MGA: variants seen among roughly 807,000 people sequenced by gnomAD.
The protein encoded by MGA is MAX dimerization protein MGA, also known as MAX gene-associated protein.
Under a neutral mutation model 261.1 loss-of-function variants are expected in MGA, and 40 were observed. The ratio of observed to expected loss-of-function variants is 0.15; its 90% CI spans 0.12 to 0.20. The LOEUF (loss-of-function observed/expected upper bound fraction) is 0.20, where lower values mean the gene tolerates loss of function less well. Among genes scored for constraint, MGA ranks in the 10% least tolerant of loss-of-function variants. MGA has a pLI of 1.00. For synonymous variants in MGA, 1,302 were observed against 1,290.6 expected, an observed-to-expected ratio of 1.01 and a Z score of -0.19; for missense variants, 3,397 against 3,630.5, an observed-to-expected ratio of 0.94 and a Z score of 1.65.
chr15:41,651,801 CCCCCT>C (rs2057063779), intron 1 of MGA, among the ~76,000 whole-genome samples: 1 of 12,976 alleles, frequency 7.7e-5, no homozygotes, highest in African/African-American at 1.8e-4. Flanking sequence ...CTCCTCTCCC[CCCCCT>C]CTTCCTTTCC....
At chr15:41,673,605 CGATCT>C (rs941730941) in intron 2 of MGA, among the ~76,000 whole-genome samples, 2 of 126,300 alleles carry the variant, frequency 1.6e-5, no homozygotes, top group Admixed American at 1.8e-4. Flanking sequence ...TGCAGTGGTA[CGATCT>C]CGGTTCAATG....
chr15:41,746,846 G>A (rs2151896787), intron 15 of MGA, among the ~76,000 whole-genome samples: 1 of 150,352 alleles, frequency 6.7e-6, no homozygotes, highest in Admixed American at 6.6e-5. Context: ...ATTTATTAAT[G>A]TTAAATAAGC....
Position 41,748,662 on chromosome 15 carries a change from T to A in MGA, c.5238T>A (p.Ala1746=), listed in dbSNP as rs916602571. 1 of 1,613,188 alleles carries A rather than the reference T, an allele frequency of 6.2e-7. No homozygotes were observed. Among genetic ancestry groups the A allele is most frequent in the Non-Finnish European group, 8.5e-7 (1 of 1,179,478 alleles). Residue 1746 remains alanine, a synonymous_variant, in exon 16 of 24, where the codon GCT becomes GCA. Coordinates refer to ENST00000219905, the MANE Select transcript of MGA (RefSeq NM_001164273.2). ...AAAATGCTGCTCAAATTCCAGTGGCTACTCCACAGGTCTCTCCTAACACAG... is the reference window on the plus strand; with the variant it reads ...AAAATGCTGCTCAAATTCCAGTGGCAACTCCACAGGTCTCTCCTAACACAG...
chr15:41,736,178 C>T lies in MGA; in HGVS notation c.3917-3C>T. The T allele has an allele frequency of 6.6e-7, 1 of 1,525,988 alleles. No homozygotes were observed. The highest frequency in any genetic ancestry group is 8.8e-7 in the Non-Finnish European group (1 of 1,137,528). 94.5% of individuals were successfully genotyped at this position (1,525,988 alleles called of 1,614,324 possible). ...TTTCTTTTTTATTATTATTTTACATCAGAAAAGAGCTGGAAGTCTTCCTGC... is the reference window on the plus strand; with the variant it reads ...TTTCTTTTTTATTATTATTTTACATTAGAAAAGAGCTGGAAGTCTTCCTGC... On this transcript the variant is annotated splice_polypyrimidine_tract_variant and splice_region_variant and intron_variant, in intron 12 of 23. Coordinates refer to ENST00000219905, the MANE Select transcript of MGA (RefSeq NM_001164273.2).
rs560911075 is a variant in MGA, at chr15:41,636,818, C to T, written c.-68+15520C>T. Among the ~76,000 whole-genome samples the T allele has an allele frequency of 7.2e-5, 11 of 152,012 alleles. No individual in the cohort carries two copies. The East Asian group carries it at 1.4e-3, about 19-fold the overall frequency. On this transcript the variant is annotated intron_variant, in intron 1 of 8. Coordinates refer to the MGA transcript ENST00000566718. ...CACCTACCTCAGCCTCCCAAAGTGCCGGGATTACAAGCGTGAGCCACCACA... is the reference window on the plus strand; with the variant it reads ...CACCTACCTCAGCCTCCCAAAGTGCTGGGATTACAAGCGTGAGCCACCACA...
chr15:41,709,230 C>T (rs1369809314), intron 7 of MGA, among the ~76,000 whole-genome samples: 5 of 151,830 alleles, frequency 3.3e-5, no homozygotes, highest in East Asian at 1.9e-4. Context: ...TCCTGTAGTC[C>T]GAGCTACTTG....
intron 18 of MGA, among the ~76,000 whole-genome samples, chr15:41,757,556 A>G (rs1236414560): frequency 6.6e-6 from 1 of 152,178 alleles, no homozygotes; most frequent in African/African-American, 2.4e-5. Context: ...AAATTTGTTT[A>G]TATGGTTTTG....
At chr15:41,688,145 G>A (rs1278193688) in intron 2 of MGA, among the ~76,000 whole-genome samples, 2 of 152,054 alleles carry the variant, frequency 1.3e-5, no homozygotes, top group Non-Finnish European at 2.9e-5. Flanking sequence ...GTGCGATGTT[G>A]GCTCACTGCA....
rs1435193012 is a variant in MGA, at chr15:41,736,662, A to T, written c.4398A>T (p.Lys1466Asn). 1.2e-6 allele frequency: 2 copies of T among 1,613,012 alleles called. No individual in the cohort carries two copies. The highest frequency in any genetic ancestry group is 1.1e-5 in the South Asian group (1 of 90,964). The change falls in exon 13 of 24, where the codon AAA becomes AAT. Residue 1466 changes from lysine (K) to asparagine (N), a missense_variant. Physicochemically the swap from Lys to Asn is moderately conservative, Grantham distance 94. This residue lies in a region of MGA where 1,410 missense variants were observed against 1,386.4 expected (regional missense o/e 1.02). Coordinates refer to ENST00000219905, the MANE Select transcript of MGA (RefSeq NM_001164273.2). ...CTGCAGGGAAGCTTGTGGCCTATAA[A>T]CGTAAACCCAGTTCAAGTACATCTG... is the stretch of plus-strand genomic sequence containing the variant.
chr15:41,700,958 TGAA>T (rs1467638610), intron 5 of MGA, among the ~76,000 whole-genome samples: 2 of 152,232 alleles, frequency 1.3e-5, no homozygotes, highest in African/African-American at 4.8e-5. Context: ...TGGTAATACT[TGAA>T]GAATTTTTGC....
chr15:41,728,841 T>C (rs950953789), intron 10 of MGA, among the ~76,000 whole-genome samples: 4 of 152,202 alleles, frequency 2.6e-5, no homozygotes, highest in Admixed American at 2.6e-4. Context: ...ATTTTATATG[T>C]TTTTAGTTTT....
chr15:41,757,293 G>A lies in MGA; in HGVS notation c.7140-495G>A, dbSNP rs2063206982. Among the ~76,000 whole-genome samples the A allele has an allele frequency of 2.0e-5, 3 of 152,272 alleles. No individual in the cohort carries two copies. The South Asian group carries it at 6.2e-4, about 32-fold the overall frequency. ...GGAAATACTTGGAAGAAGAAAAATT[G>A]CATCTGTATTGAACATGTATAGACT... On this transcript the variant is annotated intron_variant, in intron 18 of 23. Transcript: ENST00000219905.
rs1185182013 is a variant in MGA at position 41,766,539 on chromosome 15, T to G, written c.8457T>G (p.Thr2819=). The G allele has an allele frequency of 6.2e-7, 1 of 1,613,968 alleles. No individual in the cohort carries two copies. The highest frequency in any genetic ancestry group is 8.5e-7 in the Non-Finnish European group (1 of 1,179,878). ...CTAACATGGAAGATGAGGATGATAC[T>G]GATGAGACACTGACTTCACTGCTCA... is the stretch of plus-strand genomic sequence containing the variant. The change falls in exon 24 of 24, where the codon ACT becomes ACG. Residue 2819 remains threonine, a synonymous_variant. Coordinates refer to ENST00000219905, the MANE Select transcript of MGA (RefSeq NM_001164273.2).
chr15:41,762,339 C>A lies in MGA; in HGVS notation c.7721C>A (p.Ser2574Tyr). The A allele has an allele frequency of 6.2e-7, 1 of 1,612,770 alleles. No individual in the cohort carries two copies. Among genetic ancestry groups the A allele is most frequent in the Non-Finnish European group, 8.5e-7 (1 of 1,179,610 alleles). ...AGGAGGGGGAAACCTTTGATTCTTT[C>A]CAGAAAAAAAGACCAGGCCACAGGT... The change falls in exon 22 of 24, where the codon TCC becomes TAC. Residue 2574 changes from serine to tyrosine, a missense_variant. Transcript: ENST00000219905.
At chr15:41,686,054 A>G (rs2058946256) in intron 2 of MGA, among the ~76,000 whole-genome samples, 1 of 151,920 alleles carries the variant, frequency 6.6e-6, no homozygotes. Context: ...TTGATAGTAT[A>G]TAGAAATCCA....
chr15:41,706,842 G>A (rs2060142725), intron 5 of MGA, among the ~76,000 whole-genome samples: 1 of 152,110 alleles, frequency 6.6e-6, no homozygotes, highest in African/African-American at 2.4e-5. Flanking sequence ...TCAAAGTGCT[G>A]GGATTGCAAG....
At position 41,767,332 on chromosome 15, in the gene MGA, C is replaced by T; in HGVS notation, c.*52C>T. The T allele has an allele frequency of 6.6e-7, 1 of 1,515,436 alleles. No individual in the cohort carries two copies. The highest frequency in any genetic ancestry group is 8.9e-7 in the Non-Finnish European group (1 of 1,123,416). The allele number at this position is 1,515,436 out of a possible 1,614,324, so 93.9% of individuals were successfully genotyped here. A position where few individuals can be genotyped will look rare whatever the true frequency, so the allele number is the denominator to read the frequency against. On this transcript the variant is annotated 3_prime_UTR_variant, in exon 24 of 24. Coordinates refer to ENST00000219905, the MANE Select transcript of MGA (RefSeq NM_001164273.2). Reference sequence around the variant, plus strand: ...GGCTGTGAGGGGAAATAGATCTCACCTCCTTTCTCTGCAGGCATCTGTTTG... The same window carrying T: ...GGCTGTGAGGGGAAATAGATCTCACTTCCTTTCTCTGCAGGCATCTGTTTG...
chr15:41,666,483 G>A (rs2057745497), intron 1 of MGA, among the ~76,000 whole-genome samples: 1 of 152,110 alleles, frequency 6.6e-6, no homozygotes, highest in South Asian at 2.1e-4. Flanking sequence ...CAGGTACTAT[G>A]TTCACTGCTT....
chr15:41,660,844 C>T (rs904265525), intron 1 of MGA, among the ~76,000 whole-genome samples: 1 of 152,204 alleles, frequency 6.6e-6, no homozygotes, highest in Admixed American at 6.5e-5. Context: ...TCGGCCCTGC[C>T]CTCGCGTGTG....
Sources: allele counts gnomAD v4.1 joint callset (sites outside exome capture counted in the v4.1 genomes callset), GRCh38; gene constraint gnomAD v4.1.1; regional missense constraint gnomAD v4.1.1; transcripts MANE v1.5; gene names NCBI Gene and HGNC (gene_info 2026-07-23, HGNC 2026-07-21).